The following LINGO2 variants were observed in gnomAD, a reference collection of about 807,000 sequenced individuals.
The protein encoded by LINGO2 is leucine-rich repeat and immunoglobulin-like domain-containing nogo receptor-interacting protein 2.
LINGO2 carries 14 observed loss-of-function variants against 30.6 expected under a neutral mutation model. The ratio of observed to expected loss-of-function variants is 0.46; its 90% confidence interval spans 0.30 to 0.72. The LOEUF (loss-of-function observed/expected upper bound fraction) is 0.72. LINGO2 is among the 30% of genes least tolerant of loss of function. The pLI, the probability that LINGO2 is intolerant of heterozygous loss-of-function variation, is 0.07. For missense variants in LINGO2, 729 were observed against 751.7 expected (o/e 0.97, Z 0.35); for synonymous variants, 317 against 288.5 (o/e 1.10, Z -1.00).
chr9:29,030,837 G>T, the LINGO2 span, among the ~76,000 whole-genome samples: 1 of 152,080 alleles, frequency 6.6e-6, no homozygotes, highest in Non-Finnish European at 1.5e-5. Context: ...TTTACAAACT[G>T]CAAGTGTACC....
At chr9:28,432,927 A>C (rs1399518376) in intron 2 of LINGO2, among the ~76,000 whole-genome samples, 1 of 152,108 alleles carries the variant, frequency 6.6e-6, no homozygotes, top group Non-Finnish European at 1.5e-5. Context: ...GTTGTTAAGA[A>C]ATCTTGTTTT....
At chr9:28,595,414 G>C (rs768664660) in intron 1 of LINGO2, among the ~76,000 whole-genome samples, 4 of 151,928 alleles carry the variant, frequency 2.6e-5, no homozygotes, top group Non-Finnish European at 5.9e-5. Flanking sequence ...TTATTAAGAT[G>C]ATACCTCCCT....
the LINGO2 span, among the ~76,000 whole-genome samples, chr9:29,145,408 G>GA: frequency 2.0e-5 from 3 of 149,044 alleles, no homozygotes; most frequent in African/African-American, 7.3e-5. Flanking sequence ...AATGAAGGCA[G>GA]AAAAAATTAG....
At chr9:28,796,551 G>T in the LINGO2 span, among the ~76,000 whole-genome samples, 3 of 151,940 alleles carry the variant, frequency 2.0e-5, no homozygotes, top group African/African-American at 7.2e-5. Context: ...CTATTGAAAT[G>T]TTCTCATTTT....
intron 3 of LINGO2, among the ~76,000 whole-genome samples, chr9:28,334,284 A>G (rs936866720): frequency 2.0e-5 from 3 of 152,196 alleles, no homozygotes; most frequent in Admixed American, 6.5e-5. Flanking sequence ...CTATTTGTAA[A>G]TCCTGTATTT....
At chr9:28,863,204 T>G in the LINGO2 span, among the ~76,000 whole-genome samples, 22,241 of 152,100 alleles carry the variant, frequency 0.15, 1,807 homozygotes, top group East Asian at 0.32. Flanking sequence ...TTCAAGCCCC[T>G]GATCATTTAC....
intron 4 of LINGO2, among the ~76,000 whole-genome samples, chr9:28,279,034 C>A (rs114101973): frequency 6.6e-6 from 1 of 151,970 alleles, no homozygotes; most frequent in East Asian, 1.9e-4. Flanking sequence ...TTACAGGCTT[C>A]GGTAGAGAAA....
chr9:29,097,764 AC>A, the LINGO2 span, among the ~76,000 whole-genome samples: 1 of 139,002 alleles, frequency 7.2e-6, no homozygotes, highest in Non-Finnish European at 1.6e-5. Flanking sequence ...ATGCCCCTTC[AC>A]TAGAGATTAT....
the LINGO2 span, among the ~76,000 whole-genome samples, chr9:29,017,956 C>T: frequency 6.6e-6 from 1 of 151,380 alleles, no homozygotes; most frequent in Non-Finnish European, 1.5e-5. Context: ...CTCTCTCTCA[C>T]AAGACAAGGC....
At chr9:28,379,348 C>G (rs1448047456) in intron 2 of LINGO2, among the ~76,000 whole-genome samples, 2 of 152,008 alleles carry the variant, frequency 1.3e-5, no homozygotes, top group Non-Finnish European at 2.9e-5. Context: ...CTCAGTTTAA[C>G]TAATTTGAAA....
intron 3 of LINGO2, among the ~76,000 whole-genome samples, chr9:28,351,527 G>A (rs768956714): frequency 6.8e-6 from 1 of 147,124 alleles, no homozygotes; most frequent in Non-Finnish European, 1.5e-5. Context: ...CAACCAAAAA[G>A]AGTCCAGGAC....
the LINGO2 span, among the ~76,000 whole-genome samples, chr9:28,973,521 G>A: frequency 1.3e-4 from 20 of 152,294 alleles, no homozygotes; most frequent in Non-Finnish European, 2.5e-4. Flanking sequence ...ATTCTCATGA[G>A]ATCTGATGGT....
chr9:28,663,746 A>C (rs1253884416), intron 1 of LINGO2, among the ~76,000 whole-genome samples: 4 of 152,188 alleles, frequency 2.6e-5, no homozygotes. Flanking sequence ...GGTTATTTTT[A>C]ATTGTAGCTC....
the LINGO2 span, among the ~76,000 whole-genome samples, chr9:29,210,037 G>C: frequency 1.3e-5 from 2 of 152,052 alleles, no homozygotes; most frequent in African/African-American, 4.8e-5. Context: ...GACTACCAGA[G>C]CCAGATCATA....
rs555648104 is a variant in LINGO2 at position 28,071,452 on chromosome 9, C to G, written c.-86-59047G>C. 5.3e-5 allele frequency among the ~76,000 whole-genome samples: 8 copies of G among 152,202 alleles called. No homozygotes were observed. The South Asian group carries it at 1.5e-3, about 28-fold the overall frequency. ...CTGCTACTCTTTGTACTTATTTACT[C>G]TAGCCTAGCTGCTAGTTAATTACTT... On this transcript the variant is annotated intron_variant, in intron 4 of 5. Coordinates refer to ENST00000379992, the Ensembl canonical transcript of LINGO2.
In LINGO2 at chr9:28,516,408, G is replaced by A. The variant is rs79979503; in HGVS notation, c.-364-40383C>T. Among the ~76,000 whole-genome samples the A allele has an allele frequency of 3.9e-3, 600 of 152,286 alleles. 2 individuals are homozygous for A. The highest frequency in any genetic ancestry group is 4.5e-3 in the Non-Finnish European group (307 of 68,026). On this transcript the variant is annotated intron_variant, in intron 1 of 5. Transcript: ENST00000379992. Reference sequence around the variant, plus strand: ...TTTAGAAATAAGAGAGAAGTGCTACGACTTCACTGTGGACTAAGCCAGTCT... The same window carrying A: ...TTTAGAAATAAGAGAGAAGTGCTACAACTTCACTGTGGACTAAGCCAGTCT...
chr9:28,549,840 C>T (rs10968650), intron 1 of LINGO2, among the ~76,000 whole-genome samples: 10,233 of 151,230 alleles, frequency 0.068, 412 homozygotes, highest in South Asian at 0.14. Flanking sequence ...ATTTTTTTCT[C>T]ATACTCTTTA....
chr9:28,341,005 C>A (rs1341125427), intron 3 of LINGO2, among the ~76,000 whole-genome samples: 1 of 151,962 alleles, frequency 6.6e-6, no homozygotes, highest in African/African-American at 2.4e-5. Context: ...CTAATGAGTC[C>A]TTAGAGAATA....
intron 4 of LINGO2, among the ~76,000 whole-genome samples, chr9:28,101,484 T>C (rs962548109): frequency 6.6e-6 from 1 of 152,232 alleles, no homozygotes. Context: ...CTATTGTCAA[T>C]GCTGCACAGC....
Sources: gnomAD v4.1 joint callset for allele counts (sites outside exome capture counted in the v4.1 genomes callset) on GRCh38, gnomAD v4.1.1 for gene constraint, MANE v1.5 for transcripts, NCBI Gene and HGNC (gene_info 2026-07-23, HGNC 2026-07-21) for gene names.